SORCS1: variants seen among roughly 807,000 people sequenced by gnomAD.
The protein encoded by SORCS1 is VPS10 domain-containing receptor SorCS1.
Under a neutral mutation model 146.1 loss-of-function variants are expected in SORCS1, and 60 were observed. The observed-to-expected ratio is 0.41, with a 90% CI of 0.33 to 0.51. The LOEUF is 0.51. SORCS1 is among the 20% of genes least tolerant of loss of function. The pLI, the probability that SORCS1 is intolerant of heterozygous loss-of-function variation, is 0.21. For synonymous variants in SORCS1, 637 were observed against 584.0 expected (o/e 1.09, Z -1.31); for missense variants, 1,352 against 1,487.6 (o/e 0.91, Z 1.50).
At chr10:106,920,134 A>G (rs7079264) in intron 2 of SORCS1, among the ~76,000 whole-genome samples, 65,292 of 152,002 alleles carry the variant, frequency 0.43, 14,423 homozygotes, top group African/African-American at 0.54. Context: ...ACCACTTTAC[A>G]CCAGAACAAT....
At chr10:107,062,868 C>T (rs1341498403) in intron 1 of SORCS1, among the ~76,000 whole-genome samples, 2 of 152,132 alleles carry the variant, frequency 1.3e-5, no homozygotes, top group Admixed American at 1.3e-4. Flanking sequence ...GTGTTTCAGT[C>T]TGCTGTTTTG....
intron 2 of SORCS1, among the ~76,000 whole-genome samples, chr10:106,889,888 T>TTAA (rs1554875507): frequency 8.4e-5 from 6 of 71,666 alleles, no homozygotes; most frequent in East Asian, 4.3e-4. Context: ...ACGTCTCAAA[T>TTAA]AAAAAAAAAA....
At chr10:106,836,806 T>G (rs1004636214) in intron 2 of SORCS1, among the ~76,000 whole-genome samples, 1 of 152,154 alleles carries the variant, frequency 6.6e-6, no homozygotes, top group Non-Finnish European at 1.5e-5. Context: ...ATCCTTTATC[T>G]GATCCAGCCT....
intron 1 of SORCS1, among the ~76,000 whole-genome samples, chr10:107,115,830 A>T (rs1966004622): frequency 6.6e-6 from 1 of 152,080 alleles, no homozygotes; most frequent in Non-Finnish European, 1.5e-5. Context: ...AATGAGAGAG[A>T]ATGTTTGCAA....
At chr10:106,940,811 G>C (rs1954004036) in intron 2 of SORCS1, among the ~76,000 whole-genome samples, 1 of 152,234 alleles carries the variant, frequency 6.6e-6, no homozygotes, top group Non-Finnish European at 1.5e-5. Flanking sequence ...TTGAACCCGA[G>C]AGGTGGAGGT....
intron 3 of SORCS1, among the ~76,000 whole-genome samples, chr10:106,800,996 T>A (rs1946839795): frequency 6.6e-6 from 1 of 152,224 alleles, no homozygotes; most frequent in Admixed American, 6.6e-5. Context: ...GTGTATCTCC[T>A]TTTCCAGACT....
chr10:106,729,802 T>C (rs546901204), intron 6 of SORCS1, among the ~76,000 whole-genome samples: 16 of 152,258 alleles, frequency 1.1e-4, no homozygotes, highest in African/African-American at 3.9e-4. Flanking sequence ...CATGCCTAAA[T>C]CACACGATTA....
rs1952539122 is a variant in SORCS1 at position 106,918,240 on chromosome 10, A to T, written c.626+38273T>A. ...CAGTGGTGCGATTTCAGCTCACTGC[A>T]AGCTCTGCCTCCCTGGTTCACGCCA... On this transcript the variant is annotated intron_variant, in intron 2 of 25. Transcript: ENST00000263054. Among the ~76,000 whole-genome samples the T allele has an allele frequency of 2.0e-5, 3 of 152,148 alleles. No individual in the cohort carries two copies. The South Asian group carries it at 6.2e-4, about 32-fold the overall frequency.
At chr10:106,939,976 C>G (rs762577564) in intron 2 of SORCS1, among the ~76,000 whole-genome samples, 2 of 152,192 alleles carry the variant, frequency 1.3e-5, no homozygotes, top group Non-Finnish European at 2.9e-5. Context: ...CTAAAGTGAA[C>G]TGTCAGGAGA....
intron 3 of SORCS1, among the ~76,000 whole-genome samples, chr10:106,789,767 A>G (rs537663406): frequency 5.9e-5 from 9 of 151,986 alleles, no homozygotes; most frequent in Non-Finnish European, 1.2e-4. Flanking sequence ...CCAGTACTCC[A>G]CTCTCTGCAG....
intron 2 of SORCS1, among the ~76,000 whole-genome samples, chr10:106,946,459 T>C (rs1954350492): frequency 6.6e-6 from 1 of 152,198 alleles, no homozygotes; most frequent in Non-Finnish European, 1.5e-5. Context: ...TTCATGTTAG[T>C]GTGTAAGTCT....
chr10:106,861,554 T>C (rs1407301907), intron 2 of SORCS1, among the ~76,000 whole-genome samples: 1 of 152,138 alleles, frequency 6.6e-6, no homozygotes, highest in Non-Finnish European at 1.5e-5. Context: ...CATATAGCAG[T>C]GACAATGGAA....
At chr10:107,016,901 A>AT (rs1957921351) in intron 1 of SORCS1, among the ~76,000 whole-genome samples, 1 of 152,228 alleles carries the variant, frequency 6.6e-6, no homozygotes, top group African/African-American at 2.4e-5. Flanking sequence ...GCTAATAATC[A>AT]TTTTTGAAAT....
chr10:107,018,846 C>A (rs902482806), intron 1 of SORCS1, among the ~76,000 whole-genome samples: 8 of 151,988 alleles, frequency 5.3e-5, no homozygotes, highest in African/African-American at 1.7e-4. Context: ...TCTGTATGTA[C>A]GTTACACTTT....
intron 24 of SORCS1, among the ~76,000 whole-genome samples, chr10:106,579,984 G>A (rs1219203964): frequency 6.6e-6 from 1 of 151,822 alleles, no homozygotes; most frequent in African/African-American, 2.4e-5. Flanking sequence ...TACTCTGAGT[G>A]TAAGCTTTTT....
In SORCS1 at chr10:107,091,789, T is replaced by C. The variant is rs72812988; in HGVS notation, c.558+72180A>G. Among the ~76,000 whole-genome samples the C allele has an allele frequency of 9.7e-3, 1,479 of 152,316 alleles. 11 individuals are homozygous for C. Among genetic ancestry groups the C allele is most frequent in the South Asian group, 0.018 (89 of 4,824 alleles). Reference sequence around the variant, plus strand: ...AGCCTAAATGATCCATTTGGCTACATTTTATTTTCTTCAACTCTTTTCACT... The same window carrying C: ...AGCCTAAATGATCCATTTGGCTACACTTTATTTTCTTCAACTCTTTTCACT... On this transcript the variant is annotated intron_variant, in intron 1 of 25. Coordinates refer to ENST00000263054, the MANE Select transcript of SORCS1 (RefSeq NM_052918.5).
At chr10:106,670,322 T>C (rs985673008) in intron 16 of SORCS1, among the ~76,000 whole-genome samples, 3 of 152,238 alleles carry the variant, frequency 2.0e-5, no homozygotes, top group Non-Finnish European at 2.9e-5. Context: ...AAGGACTTTA[T>C]GGCACTCTGA....
intron 2 of SORCS1, among the ~76,000 whole-genome samples, chr10:106,852,202 G>T (rs1949613022): frequency 6.6e-6 from 1 of 151,960 alleles, no homozygotes; most frequent in South Asian, 2.1e-4. Flanking sequence ...TATTAGCTAG[G>T]ACTTCCAGCT....
chr10:106,976,333 G>GTTTTTTTTTTTTTT (rs1554901318), intron 1 of SORCS1, among the ~76,000 whole-genome samples: 1 of 113,814 alleles, frequency 8.8e-6, no homozygotes, highest in Non-Finnish European at 1.7e-5. Context: ...AGGTTTTTTT[G>GTTTTTTTTTTTTTT]TTTTTTTTTT....
Sources: gnomAD v4.1 joint callset for allele counts (sites outside exome capture counted in the v4.1 genomes callset) on GRCh38, gnomAD v4.1.1 for gene constraint, MANE v1.5 for transcripts, NCBI Gene and HGNC (gene_info 2026-07-23, HGNC 2026-07-21) for gene names.